Variants in MBNL2 observed in about 807,000 individuals in gnomAD.
MBNL2 encodes muscleblind-like protein 2.
A neutral mutation model predicts 41.9 loss-of-function variants in MBNL2; 17 were observed. The observed-to-expected ratio is 0.41, with a 90% CI of 0.28 to 0.61. The LOEUF (loss-of-function observed/expected upper bound fraction) is 0.61. Ranked by LOEUF, MBNL2 falls within the 20% of genes least tolerant of loss-of-function variation. The pLI is 0.35. For missense variants in MBNL2, 336 were observed against 505.6 expected, an observed-to-expected ratio of 0.66 and a Z score of 3.22; for synonymous variants, 195 against 182.9, an observed-to-expected ratio of 1.07 and a Z score of -0.53.
intron 2 of MBNL2, among the ~76,000 whole-genome samples, chr13:97,279,834 G>A (rs1357636480): frequency 6.6e-6 from 1 of 152,118 alleles, no homozygotes; most frequent in Non-Finnish European, 1.5e-5. Flanking sequence ...GAGTTCTTTG[G>A]CATGAGAATT....
At chr13:97,283,066 CGAG>C (rs2053747370) in intron 2 of MBNL2, among the ~76,000 whole-genome samples, 1 of 152,142 alleles carries the variant, frequency 6.6e-6, no homozygotes, top group Admixed American at 6.5e-5. Context: ...TTTGGTCATT[CGAG>C]GAGGATTCTC....
chr13:97,347,947 C>G (rs1011142654), intron 5 of MBNL2, among the ~76,000 whole-genome samples: 1 of 152,178 alleles, frequency 6.6e-6, no homozygotes, highest in Non-Finnish European at 1.5e-5. Flanking sequence ...AAGCACCTGC[C>G]TAGACATTGC....
At chr13:97,374,473 A>C (rs1426773249) in intron 8 of MBNL2, among the ~76,000 whole-genome samples, 1 of 146,268 alleles carries the variant, frequency 6.8e-6, no homozygotes, top group Non-Finnish European at 1.5e-5. Context: ...GGCTCACTGC[A>C]ACCTGCGCCT....
chr13:97,218,510 G>A (rs745351687), upstream of MBNL2, among the ~76,000 whole-genome samples: 7 of 147,014 alleles, frequency 4.8e-5, no homozygotes, highest in Admixed American at 6.7e-5. Context: ...TTATCAAACT[G>A]TACAAGACAA....
chr13:97,309,224 C>G (rs1235817379), intron 2 of MBNL2, among the ~76,000 whole-genome samples: 5 of 152,164 alleles, frequency 3.3e-5, no homozygotes, highest in African/African-American at 1.2e-4. Flanking sequence ...CAATGGAAGA[C>G]TTTGAGCACG....
the MBNL2 span, among the ~76,000 whole-genome samples, chr13:97,158,814 A>C: frequency 2.6e-5 from 4 of 152,078 alleles, no homozygotes; most frequent in African/African-American, 9.7e-5. Context: ...CTTTACTTCC[A>C]ACTATGTGGT....
chr13:97,282,286 T>C (rs1179222380), intron 2 of MBNL2, among the ~76,000 whole-genome samples: 1 of 151,928 alleles, frequency 6.6e-6, no homozygotes, highest in Non-Finnish European at 1.5e-5. Context: ...GCCCAGGAGG[T>C]TGAGGTTGTA....
chr13:97,159,781 G>C, the MBNL2 span, among the ~76,000 whole-genome samples: 9 of 151,474 alleles, frequency 5.9e-5, no homozygotes, highest in African/African-American at 2.2e-4. Context: ...TAGTCTGATG[G>C]GCTTCCCTTT....
chr13:97,169,807 G>C, the MBNL2 span, among the ~76,000 whole-genome samples: 1 of 152,132 alleles, frequency 6.6e-6, no homozygotes, highest in Admixed American at 6.5e-5. Context: ...TTTAACTGAT[G>C]ATGAGGTGGT....
chr13:97,388,314 C>CATAT (rs34389348), intron 8 of MBNL2, among the ~76,000 whole-genome samples: 16,247 of 139,372 alleles, frequency 0.12, 1,232 homozygotes, highest in African/African-American at 0.23. Context: ...TACATACATA[C>CATAT]ATATATATAT....
intron 1 of MBNL2, among the ~76,000 whole-genome samples, chr13:97,241,230 T>C (rs1027766374): frequency 5.9e-5 from 9 of 152,100 alleles, no homozygotes; most frequent in Admixed American, 1.3e-4. Context: ...TCCTTTTTTT[T>C]CCCCACTGAG....
chr13:97,184,462 A>G, the MBNL2 span, among the ~76,000 whole-genome samples: 1 of 151,988 alleles, frequency 6.6e-6, no homozygotes, highest in African/African-American at 2.4e-5. Context: ...CAAAATAACC[A>G]TCCCATCCTT....
At chr13:97,221,179 C>T (rs2040825340), upstream of MBNL2, among the ~76,000 whole-genome samples, 1 of 152,184 alleles carries the variant, frequency 6.6e-6, no homozygotes, top group South Asian at 2.1e-4. Flanking sequence ...TTATAAAAAT[C>T]GTGCATTGGG....
chr13:97,287,953 T>TC (rs2054983904), intron 2 of MBNL2, among the ~76,000 whole-genome samples: 3 of 146,560 alleles, frequency 2.0e-5, no homozygotes, highest in Non-Finnish European at 3.0e-5. Context: ...TTTTTTTTTT[T>TC]AGTAGAGATG....
chr13:97,381,005 C>T (rs1017992603), intron 8 of MBNL2, among the ~76,000 whole-genome samples: 1 of 152,010 alleles, frequency 6.6e-6, no homozygotes, highest in African/African-American at 2.4e-5. Context: ...CTCCAGTACT[C>T]TTTTTGATTT....
intron 1 of MBNL2, among the ~76,000 whole-genome samples, chr13:97,248,231 C>T (rs1237351193): frequency 3.3e-5 from 5 of 152,218 alleles, no homozygotes; most frequent in Non-Finnish European, 7.3e-5. Flanking sequence ...AAGCGATTCT[C>T]CTGCCTCAGC....
chr13:97,322,896 T>C (rs1402078004), intron 2 of MBNL2, among the ~76,000 whole-genome samples: 1 of 152,172 alleles, frequency 6.6e-6, no homozygotes. Context: ...CAGCAGCCAA[T>C]CAGTGTGCAC....
intron 2 of MBNL2, among the ~76,000 whole-genome samples, chr13:97,292,061 T>C (rs1331450471): frequency 6.7e-6 from 1 of 148,764 alleles, no homozygotes; most frequent in East Asian, 2.0e-4. Flanking sequence ...ACTAGCCGGG[T>C]GTGATGGCGG....
intron 2 of MBNL2, among the ~76,000 whole-genome samples, chr13:97,282,067 C>A (rs2053539898): frequency 6.6e-6 from 1 of 150,402 alleles, no homozygotes; most frequent in Admixed American, 6.6e-5. Flanking sequence ...AAAAAACATT[C>A]TAGGCCAAGT....
Sources: gnomAD v4.1 joint callset for allele counts (sites outside exome capture counted in the v4.1 genomes callset) on GRCh38, gnomAD v4.1.1 for gene constraint, MANE v1.5 for transcripts, NCBI Gene and HGNC (gene_info 2026-07-23, HGNC 2026-07-21) for gene names.